Variants in RAB5C observed in about 807,000 individuals in gnomAD.
RAB5C encodes RAB5C, member RAS oncogene family.
In RAB5C, 4 loss-of-function variants were observed where a neutral mutation model predicts 25.2. That is an observed-to-expected ratio of 0.16 (90% CI 0.08 to 0.36). The LOEUF is 0.36. Ranked by LOEUF, RAB5C falls within the 10% of genes least tolerant of loss-of-function variation. RAB5C has a pLI of 1.00. For synonymous variants in RAB5C, 100 were observed against 106.4 expected (o/e 0.94, Z 0.37); for missense variants, 199 against 283.8 (o/e 0.70, Z 2.15).
rs2054409742 is a variant in RAB5C at position 42,125,502 on chromosome 17, A to C, written c.*281T>G. Reference sequence around the variant, plus strand: ...CATGTGGCTACTCCCAGCAAGGGAAAATGGGAGAGCAGTAGAAAGGGGAGG... The same window carrying C: ...CATGTGGCTACTCCCAGCAAGGGAACATGGGAGAGCAGTAGAAAGGGGAGG... On this transcript the variant is annotated 3_prime_UTR_variant, in exon 6 of 6. Coordinates refer to ENST00000346213, the MANE Select transcript of RAB5C (RefSeq NM_004583.4). 3 of 363,116 alleles carry C rather than the reference A, an allele frequency of 8.3e-6. No individual in the cohort carries two copies. Among genetic ancestry groups the C allele is most frequent in the Non-Finnish European group, 1.5e-5 (3 of 196,450 alleles). The allele number at this position is 363,116 out of a possible 1,614,324, so 22.5% of individuals were successfully genotyped here.
chr17:42,135,482 A>T (rs985804021), intron 1 of RAB5C, among the ~76,000 whole-genome samples: 3 of 152,152 alleles, frequency 2.0e-5, no homozygotes, highest in African/African-American at 7.2e-5. Context: ...TCAGTATTTT[A>T]AAAATAAGTT....
At chr17:42,133,513 A>G (rs1004367533) in intron 1 of RAB5C, among the ~76,000 whole-genome samples, 5 of 152,232 alleles carry the variant, frequency 3.3e-5, no homozygotes, top group Non-Finnish European at 7.3e-5. Context: ...GTGTCTGTAC[A>G]TTGAAGTCAT....
chr17:42,144,799 C>T (rs975429037), intron 1 of RAB5C, among the ~76,000 whole-genome samples: 55 of 151,458 alleles, frequency 3.6e-4, no homozygotes, highest in South Asian at 8.3e-4. Flanking sequence ...TGGTGGCGGG[C>T]GCCTGTAGTC....
chr17:42,149,195 C>T (rs554961338), intron 1 of RAB5C, among the ~76,000 whole-genome samples: 25 of 152,296 alleles, frequency 1.6e-4, no homozygotes, highest in African/African-American at 5.8e-4. Flanking sequence ...GCTTCTCAAA[C>T]AGCCCCAACA....
At chr17:42,147,909 C>G (rs1170306554) in intron 1 of RAB5C, among the ~76,000 whole-genome samples, 1 of 152,084 alleles carries the variant, frequency 6.6e-6, no homozygotes, top group Non-Finnish European at 1.5e-5. Flanking sequence ...CCAGCCTGAC[C>G]AACATGGAGA....
At chr17:42,128,540 C>A in intron 3 of RAB5C, 109 bp downstream of exon 3, 1 of 472,524 alleles carries the variant, frequency 2.1e-6, no homozygotes, top group Non-Finnish European at 3.6e-6. Context: ...TGCCCACCCC[C>A]CACCCAGGAA....
At chr17:42,146,869 G>C (rs1204417161) in intron 1 of RAB5C, among the ~76,000 whole-genome samples, 4 of 151,940 alleles carry the variant, frequency 2.6e-5, no homozygotes, top group Non-Finnish European at 4.4e-5. Context: ...AGCCAAGCGT[G>C]GTGGCAGGAG....
intron 1 of RAB5C, chr17:42,131,800 G>A: frequency 1.8e-6 from 1 of 565,212 alleles, no homozygotes; most frequent in South Asian, 2.0e-5. Context: ...GCAGACACAT[G>A]AGGAGCCTAT....
chr17:42,138,056 T>C (rs750883449), intron 1 of RAB5C, among the ~76,000 whole-genome samples: 5 of 152,190 alleles, frequency 3.3e-5, no homozygotes, highest in Non-Finnish European at 7.3e-5. Context: ...GGCTTAACTG[T>C]GGGCTAAAGG....
intron 1 of RAB5C, chr17:42,131,664 G>C: frequency 6.6e-7 from 1 of 1,504,982 alleles, no homozygotes; most frequent in Non-Finnish European, 8.9e-7. Flanking sequence ...AGAGGCAGGA[G>C]GTGTGGGAGG....
At chr17:42,125,991 G>C (rs1639835964) in intron 5 of RAB5C, 93 bp from the exon 6 acceptor site, 1 of 896,944 alleles carries the variant, frequency 1.1e-6, no homozygotes, top group African/African-American at 1.7e-5. Context: ...TACCCAATCA[G>C]TGGTAACTCA....
chr17:42,140,155 A>G (rs2054578008), intron 1 of RAB5C, among the ~76,000 whole-genome samples: 2 of 152,180 alleles, frequency 1.3e-5, no homozygotes, highest in Non-Finnish European at 2.9e-5. Flanking sequence ...CAGGATCAGA[A>G]GCAGCACCTG....
intron 1 of RAB5C, among the ~76,000 whole-genome samples, chr17:42,136,828 T>C (rs1455600936): frequency 1.3e-5 from 2 of 152,194 alleles, no homozygotes; most frequent in Non-Finnish European, 2.9e-5. Flanking sequence ...AGCCCAAGCC[T>C]GCCCAAGACT....
chr17:42,145,827 G>A (rs970862851), intron 1 of RAB5C, among the ~76,000 whole-genome samples: 5 of 151,958 alleles, frequency 3.3e-5, no homozygotes, highest in Admixed American at 1.3e-4. Context: ...TTTTTGAGAC[G>A]GAGTCTCATT....
intron 4 of RAB5C, among the ~76,000 whole-genome samples, chr17:42,127,622 C>A (rs2054440078): frequency 6.7e-6 from 1 of 149,876 alleles, no homozygotes; most frequent in African/African-American, 2.5e-5. Flanking sequence ...CTGCTCACTG[C>A]AGCCTCAATC....
rs753552779 is a variant in RAB5C, at chr17:42,128,318, G to C, written c.384C>G (p.Val128=). ...ELQRQASPNI[V]IALAGNKADL... is the part of the protein sequence containing the mutation. Reference sequence around the variant, plus strand: ...CTGCCTTGTTACCCGCGAGTGCAATGACGATGTTGGGGCTGGCCTGCCTCT... The same window carrying C: ...CTGCCTTGTTACCCGCGAGTGCAATCACGATGTTGGGGCTGGCCTGCCTCT... Residue 128 remains valine, a synonymous_variant, in exon 4 of 6, where the codon GTC becomes GTG. Coordinates refer to ENST00000346213, the MANE Select transcript of RAB5C (RefSeq NM_004583.4). 2 of 1,614,036 alleles carry C rather than the reference G, an allele frequency of 1.2e-6. No individual in the cohort carries two copies. The highest frequency in any genetic ancestry group is 2.7e-5 in the African/African-American group (2 of 74,924).
Position 42,128,715 on chromosome 17 carries a change from G to A in RAB5C, c.252C>T (p.His84=), listed in dbSNP as rs2054454558. 4 of 1,582,354 alleles carry A rather than the reference G, an allele frequency of 2.5e-6. No homozygotes were observed. Among genetic ancestry groups the A allele is most frequent in the African/African-American group, 1.4e-5 (1 of 73,286 alleles). Residue 84 remains histidine, a synonymous_variant, in exon 3 of 6, where the codon CAC becomes CAT. Transcript: ENST00000346213. ...CCCGATAGTACATGGGGGCCAGGCT[G>A]TGATACCGCTCCTGTCCAGCTGTGT... ...IWDTAGQERY[H]SLAPMYYRGA... is the part of the protein sequence containing the mutation.
chr17:42,139,560 T>G (rs1019729851), intron 1 of RAB5C, among the ~76,000 whole-genome samples: 1 of 152,182 alleles, frequency 6.6e-6, no homozygotes, highest in Non-Finnish European at 1.5e-5. Context: ...GCTCCCAGGT[T>G]CAAGCAATTC....
At chr17:42,130,128 C>G (rs1458862687) in intron 2 of RAB5C, 1 of 634,066 alleles carries the variant, frequency 1.6e-6, no homozygotes, top group African/African-American at 1.8e-5. Flanking sequence ...CTTTCCACTC[C>G]CAGCAAATGC....
Sources: allele counts gnomAD v4.1 joint callset (sites outside exome capture counted in the v4.1 genomes callset), GRCh38; gene constraint gnomAD v4.1.1; transcripts MANE v1.5; gene names NCBI Gene and HGNC (gene_info 2026-07-23, HGNC 2026-07-21).